The following SCP2 variants were observed in gnomAD, a reference collection of about 807,000 sequenced individuals.
The protein encoded by SCP2 is SCP-2/3-oxoacyl-CoA thiolase.
In SCP2, 48 loss-of-function variants were observed where a neutral mutation model predicts 71.4. The observed-to-expected ratio is 0.67, with a 90% CI of 0.53 to 0.86. SCP2 has a LOEUF of 0.86. Among genes scored for constraint, SCP2 ranks in the 40% least tolerant of loss-of-function variants. The probability of loss-of-function intolerance (pLI) is 0.00; values close to 1 mark genes in which losing one functional copy is unlikely to be tolerated. For synonymous variants in SCP2, 220 were observed against 218.1 expected (o/e 1.01, Z -0.08); for missense variants, 560 against 655.6 (o/e 0.85, Z 1.59).
intron 4 of SCP2, among the ~76,000 whole-genome samples, chr1:52,953,857 C>G (rs1655546947): frequency 6.7e-6 from 1 of 148,822 alleles, no homozygotes; most frequent in Non-Finnish European, 1.5e-5. Flanking sequence ...GAAAACTGGT[C>G]ATGGTGCCAC....
chr1:52,955,838 C>T (rs1655744609), intron 5 of SCP2, among the ~76,000 whole-genome samples: 1 of 151,966 alleles, frequency 6.6e-6, no homozygotes, highest in Admixed American at 6.6e-5. Flanking sequence ...GCAGTAAAAA[C>T]TAATCTCTGA....
At chr1:52,969,582 G>A (rs1657273416) in intron 6 of SCP2, among the ~76,000 whole-genome samples, 3 of 152,174 alleles carry the variant, frequency 2.0e-5, no homozygotes, top group Admixed American at 2.0e-4. Flanking sequence ...AGCACTTTGG[G>A]AGGCTGAGGT....
At chr1:53,019,987 T>C (rs1182372343) in intron 12 of SCP2, among the ~76,000 whole-genome samples, 2 of 152,244 alleles carry the variant, frequency 1.3e-5, no homozygotes, top group East Asian at 3.9e-4. Flanking sequence ...CCTGGGTTCA[T>C]GCAATTCTTG....
rs763049237 is a variant in SCP2 at position 52,988,041 on chromosome 1, C to T, written c.986C>T (p.Thr329Met). The part of the protein sequence containing the change: ...LGLCPEGQGA[T>M]LVDRGDNTYG... Reference sequence around the variant, plus strand: ...TTTTCTTCTATAGGACAAGGTGCAACGCTGGTTGATAGAGGAGATAATACA... The same window carrying T: ...TTTTCTTCTATAGGACAAGGTGCAATGCTGGTTGATAGAGGAGATAATACA... Residue 329 changes from threonine (T) to methionine (M), a missense_variant, in exon 11 of 16, where the codon ACG (threonine) becomes ATG (methionine). By Grantham distance (81) the Thr-to-Met change is moderately conservative. Around this residue, in one of 3 missense-constraint regions of SCP2, gnomAD observed 513 missense variants for 573.1 expected, o/e 0.90. Coordinates refer to ENST00000371514, the MANE Select transcript of SCP2 (RefSeq NM_002979.5). 2.3e-5 allele frequency: 36 copies of T among 1,574,012 alleles called. No homozygotes were observed. The highest frequency in any genetic ancestry group is 3.3e-5 in the South Asian group (3 of 90,162).
At chr1:52,939,081 A>G (rs1472309289) in intron 1 of SCP2, among the ~76,000 whole-genome samples, 2 of 152,186 alleles carry the variant, frequency 1.3e-5, no homozygotes, top group Admixed American at 6.5e-5. Flanking sequence ...CTTTCACTTA[A>G]TATGATATGT....
chr1:52,961,634 G>A lies in SCP2; in HGVS notation c.523+5G>A. On this transcript the variant is annotated splice_donor_5th_base_variant and intron_variant, in intron 6 of 15. Coordinates refer to ENST00000371514, the MANE Select transcript of SCP2 (RefSeq NM_002979.5). ...AAGAACATATGGAAAAATATGGTAT[G>A]TTACAGTTAAAAAACTTTGAGGCTT... The A allele has an allele frequency of 6.2e-7, 1 of 1,613,330 alleles. No homozygotes were observed. Among genetic ancestry groups the A allele is most frequent in the Non-Finnish European group, 8.5e-7 (1 of 1,179,514 alleles).
rs1352125882 is a variant in SCP2, at chr1:52,994,234, C to G, written c.1081+6098C>G. On this transcript the variant is annotated intron_variant, in intron 11 of 15. Coordinates refer to ENST00000371514, the MANE Select transcript of SCP2 (RefSeq NM_002979.5). ...TATTCCTGTGGTATGGTCACTGAAG[C>G]CTTTAAGAGTTATGCTGTAGTTTGT... 8 of 1,011,348 alleles carry G rather than the reference C, an allele frequency of 7.9e-6. No individual in the cohort carries two copies. The East Asian group carries it at 3.0e-4, about 38-fold the overall frequency. The allele number at this position is 1,011,348 out of a possible 1,614,324, so 62.6% of individuals were successfully genotyped here.
At chr1:52,969,751 G>A (rs1657290216) in intron 6 of SCP2, among the ~76,000 whole-genome samples, 2 of 152,174 alleles carry the variant, frequency 1.3e-5, no homozygotes, top group African/African-American at 4.8e-5. Context: ...AGCCTGGGAG[G>A]TGGAGGTTGC....
chr1:52,937,877 A>G (rs1406321131), intron 1 of SCP2, among the ~76,000 whole-genome samples: 1 of 152,244 alleles, frequency 6.6e-6, no homozygotes, highest in Non-Finnish European at 1.5e-5. Context: ...GGGCTGTCGC[A>G]TAGGCAGAGC....
chr1:52,945,178 C>CTATT lies in SCP2; in HGVS notation c.128-2816_128-2813dup, dbSNP rs1407910713. ...GGGATCACATTTGTAGTTTTGTATC[C>CTATT]TATTTATTTATTTATTTAGATATTT... On this transcript the variant is annotated intron_variant, in intron 2 of 15. Coordinates refer to ENST00000371514, the MANE Select transcript of SCP2 (RefSeq NM_002979.5). Among the ~76,000 whole-genome samples the CTATT allele has an allele frequency of 4.6e-5, 7 of 151,618 alleles. No homozygotes were observed. In the East Asian group the frequency reaches 9.7e-4, roughly 21 times the overall value.
chr1:53,042,335 G>A (rs1360720351), intron 14 of SCP2, among the ~76,000 whole-genome samples: 1 of 149,788 alleles, frequency 6.7e-6, no homozygotes, highest in Non-Finnish European at 1.5e-5. Flanking sequence ...CTGATATTAA[G>A]GTTGTTTTTT....
chr1:53,004,315 G>T lies in SCP2; in HGVS notation c.1082-10575G>T, dbSNP rs560374536. On this transcript the variant is annotated intron_variant, in intron 11 of 15. Coordinates refer to ENST00000371514, the MANE Select transcript of SCP2 (RefSeq NM_002979.5). Reference sequence around the variant, plus strand: ...AACTGTGGAAAGTGAAACCATGGATGTGAGGGCACTACTGTATTTTACTTT... The same window carrying T: ...AACTGTGGAAAGTGAAACCATGGATTTGAGGGCACTACTGTATTTTACTTT... Among the ~76,000 whole-genome samples, 4 of 152,328 alleles carry T rather than the reference G, an allele frequency of 2.6e-5. No individual in the cohort carries two copies. In the East Asian group the frequency reaches 7.7e-4, roughly 29 times the overall value.
intron 1 of SCP2, among the ~76,000 whole-genome samples, chr1:52,932,710 C>A (rs1313661381): frequency 6.6e-6 from 1 of 152,064 alleles, no homozygotes; most frequent in African/African-American, 2.4e-5. Context: ...TGGAGTTAGG[C>A]ACATAAAAAG....
chr1:53,048,630 T>C (rs550492074), intron 15 of SCP2: 12 of 155,540 alleles, frequency 7.7e-5, no homozygotes, highest in African/African-American at 2.6e-4. Context: ...ATCTTATTTG[T>C]CTTTATGTTT....
chr1:52,929,105 G>T (rs1329544143), intron 1 of SCP2, among the ~76,000 whole-genome samples: 2 of 152,110 alleles, frequency 1.3e-5, no homozygotes, highest in African/African-American at 2.4e-5. Flanking sequence ...TGCCTATCTG[G>T]CCAGTGTACT....
chr1:52,981,814 AG>A (rs1658527834), intron 10 of SCP2, among the ~76,000 whole-genome samples: 1 of 150,840 alleles, frequency 6.6e-6, no homozygotes. Context: ...AATATATACT[AG>A]AAAATTTAAA....
intron 12 of SCP2, among the ~76,000 whole-genome samples, chr1:53,016,087 C>T (rs11206070): frequency 3.3e-5 from 5 of 151,934 alleles, no homozygotes; most frequent in African/African-American, 1.2e-4. Context: ...TGTGCACAAC[C>T]TGCAGGTTTG....
chr1:53,002,413 G>A (rs1660375203), intron 11 of SCP2, among the ~76,000 whole-genome samples: 1 of 152,152 alleles, frequency 6.6e-6, no homozygotes, highest in Non-Finnish European at 1.5e-5. Flanking sequence ...GGATCATTAG[G>A]AAGAATTCAT....
intron 15 of SCP2, chr1:53,049,803 G>A (rs1279475389): frequency 6.6e-6 from 1 of 152,170 alleles, no homozygotes; most frequent in Non-Finnish European, 1.5e-5. Context: ...GAAAAAAACA[G>A]AGCTCCTTAC....
Sources: allele counts gnomAD v4.1 joint callset (sites outside exome capture counted in the v4.1 genomes callset), GRCh38; gene constraint gnomAD v4.1.1; regional missense constraint gnomAD v4.1.1; transcripts MANE v1.5; gene names NCBI Gene and HGNC (gene_info 2026-07-23, HGNC 2026-07-21).